ACTN4: variants seen among roughly 807,000 people sequenced by gnomAD.
ACTN4 encodes actinin alpha 4, also known as alpha-actinin-4.
In ACTN4, 18 loss-of-function variants were observed where a neutral mutation model predicts 114.2. The ratio of observed to expected loss-of-function variants is 0.16; its 90% CI spans 0.11 to 0.23. The LOEUF is 0.23. Ranked by LOEUF, ACTN4 falls within the 10% of genes least tolerant of loss-of-function variation. ACTN4 has a pLI of 1.00. For synonymous variants in ACTN4, 515 were observed against 506.3 expected (o/e 1.02, Z -0.23); for missense variants, 722 against 1,262.9 (o/e 0.57, Z 6.49).
At chr19:38,669,944 C>T (rs1375279947) in intron 1 of ACTN4, among the ~76,000 whole-genome samples, 2 of 152,122 alleles carry the variant, frequency 1.3e-5, no homozygotes, top group East Asian at 3.8e-4. Context: ...GCTCAGTCTT[C>T]AATGTATGGA....
Position 38,700,940 on chromosome 19 carries a change from C to T in ACTN4, c.278-62C>T, listed in dbSNP as rs1009877770. The stretch of plus-strand genomic sequence containing the variant: ...GAGACTCTAAAGCCTCTCTCCCTCT[C>T]GCCCTCTCTCCCTTTCTCTCTCTCT... On this transcript the variant is annotated intron_variant, in intron 2 of 20. Transcript: ENST00000252699. 1.1e-5 allele frequency: 17 copies of T among 1,598,744 alleles called. No individual in the cohort carries two copies. The East Asian group carries it at 1.3e-4, about 13-fold the overall frequency.
In ACTN4 at chr19:38,730,805, T is replaced by C. The variant is rs1231170739; in HGVS notation, c.*1373T>C. ...CAGGCAAGGCCTAGGGAGGTGGTCT[T>C]GCTCAGCAACCCTGCCCTGAGCAGC... On this transcript the variant is annotated 3_prime_UTR_variant, in exon 21 of 21. Transcript: ENST00000252699. The C allele has an allele frequency of 6.5e-7, 1 of 1,549,782 alleles. No individual in the cohort carries two copies. The highest frequency in any genetic ancestry group is 8.7e-7 in the Non-Finnish European group (1 of 1,146,768).
chr19:38,717,308 A>T lies in ACTN4; in HGVS notation c.1135A>T (p.Met379Leu). ...RPAFMPSEGK[M>L]VSDINNGWQH... ...CGCCTTCATGCCCTCCGAGGGCAAG[A>T]TGGTCTCGGTGAGCACCAGGATTCA... is the stretch of plus-strand genomic sequence containing the variant. Residue 379 changes from methionine to leucine, a missense_variant, in exon 10 of 21, where the codon ATG becomes TTG. This residue lies in a region of ACTN4 where 523 missense variants were observed against 875.9 expected (regional missense o/e 0.60). Coordinates refer to ENST00000252699, the MANE Select transcript of ACTN4 (RefSeq NM_004924.6). This position sits in a 1 kb window ranked among gnomAD's most constrained non-coding sequence, Gnocchi z 4.0. 6.2e-7 allele frequency: 1 copy of T among 1,613,840 alleles called. No homozygotes were observed. Among genetic ancestry groups the T allele is most frequent in the Non-Finnish European group, 8.5e-7 (1 of 1,179,884 alleles).
chr19:38,660,763 G>A (rs1190742362), intron 1 of ACTN4, among the ~76,000 whole-genome samples: 1 of 152,158 alleles, frequency 6.6e-6, no homozygotes, highest in African/African-American at 2.4e-5. Flanking sequence ...TGGATCCATG[G>A]GCCTTTAAGC....
rs1041714019 is a variant in ACTN4 at position 38,727,378 on chromosome 19, C to T, written c.2337+275C>T. On this transcript the variant is annotated intron_variant, in intron 18 of 20. Transcript: ENST00000252699. The surrounding 1 kb of genome is among the most constrained non-coding windows in gnomAD (Gnocchi z 5.4). ...ACCACCCCCAGGGCAGATGAAGTCT[C>T]AGCACACCCAGGCTTTGCGACCCGG... Among the ~76,000 whole-genome samples the T allele has an allele frequency of 2.0e-5, 3 of 152,170 alleles. No homozygotes were observed. The highest frequency in any genetic ancestry group is 7.2e-5 in the African/African-American group (3 of 41,444).
intron 3 of ACTN4, among the ~76,000 whole-genome samples, chr19:38,704,530 G>A (rs1471806227): frequency 6.6e-6 from 1 of 152,276 alleles, no homozygotes; most frequent in Admixed American, 6.5e-5. Flanking sequence ...GGGGCCCGGG[G>A]TGCCCCCCTG....
intron 3 of ACTN4, among the ~76,000 whole-genome samples, chr19:38,703,892 G>T (rs1482934020): frequency 2.6e-5 from 4 of 152,116 alleles, no homozygotes; most frequent in Non-Finnish European, 4.4e-5. Flanking sequence ...CCAGTTGAGG[G>T]TCGCAGGCTA....
intron 3 of ACTN4, among the ~76,000 whole-genome samples, chr19:38,702,813 C>T (rs1968326431): frequency 1.3e-5 from 2 of 152,160 alleles, no homozygotes; most frequent in South Asian, 2.1e-4. Context: ...GGTGTGTCCC[C>T]GGGGGAAGGT....
intron 1 of ACTN4, 99 bp from the exon 2 acceptor site, chr19:38,700,501 C>T (rs1285354509): frequency 8.4e-6 from 8 of 957,720 alleles, no homozygotes; most frequent in East Asian, 2.4e-5. Context: ...GTGGCAGCTG[C>T]GGTTCTCCTG....
chr19:38,654,343 C>T (rs1474227979), intron 1 of ACTN4, among the ~76,000 whole-genome samples: 3 of 152,098 alleles, frequency 2.0e-5, no homozygotes, highest in South Asian at 2.1e-4. Flanking sequence ...AGGTGGATCA[C>T]GTGAGGTCAG....
rs936969185 is a variant in ACTN4, at chr19:38,729,856, T to C, written c.*424T>C. ...CCTTGTCCAGGAACTGCCTGGGCCA[T>C]GCGAGGGGCCAGCAGAGGGCGCCAC... On this transcript the variant is annotated 3_prime_UTR_variant, in exon 21 of 21. Coordinates refer to ENST00000252699, the MANE Select transcript of ACTN4 (RefSeq NM_004924.6). 3 of 367,186 alleles carry C rather than the reference T, an allele frequency of 8.2e-6. No homozygotes were observed. Among genetic ancestry groups the C allele is most frequent in the Non-Finnish European group, 1.6e-5 (3 of 186,548 alleles). 22.7% of individuals were successfully genotyped at this position (367,186 alleles called of 1,614,324 possible). A position where few individuals can be genotyped will look rare whatever the true frequency, so the allele number is the denominator to read the frequency against.
rs1307514310 is a variant in ACTN4, at chr19:38,727,546, G to A, written c.2338-400G>A. 6.6e-6 allele frequency among the ~76,000 whole-genome samples: 1 copy of A among 151,708 alleles called. No individual in the cohort carries two copies. The highest frequency in any genetic ancestry group is 1.5e-5 in the Non-Finnish European group (1 of 67,854). On this transcript the variant is annotated intron_variant, in intron 18 of 20. Transcript: ENST00000252699. The surrounding 1 kb of genome is among the most constrained non-coding windows in gnomAD (Gnocchi z 5.4). The stretch of plus-strand genomic sequence containing the variant: ...GCCGGGCTGACGGACTGAGAAGTGT[G>A]CAGCCTCAGCTCTGCACCTGGCGCC...
At chr19:38,728,936 G>T in intron 19 of ACTN4, 60 bp from the exon 20 acceptor site, 1 of 1,605,554 alleles carries the variant, frequency 6.2e-7, no homozygotes. Flanking sequence ...ACCAGTGTGG[G>T]CCTGGCTGCC....
intron 1 of ACTN4, among the ~76,000 whole-genome samples, chr19:38,681,516 G>A (rs968426162): frequency 1.1e-4 from 16 of 152,178 alleles, no homozygotes; most frequent in African/African-American, 3.4e-4. Context: ...AACATCTGTG[G>A]TACTTTTGTC....
chr19:38,680,212 GTTTTTT>G (rs75920199), intron 1 of ACTN4, among the ~76,000 whole-genome samples: 1 of 124,338 alleles, frequency 8.0e-6, no homozygotes, highest in Non-Finnish European at 1.6e-5. Flanking sequence ...AGCTCAGGAA[GTTTTTT>G]TTTTTTTTTT....
In ACTN4 at chr19:38,730,659, C is replaced by CTGT; in HGVS notation, c.*1228_*1230dup. On this transcript the variant is annotated 3_prime_UTR_variant, in exon 21 of 21. Transcript: ENST00000252699. ...GCTCGTGTCATCTGCTCGAGAAGGG[C>CTGT]TGTCGCTGTTCTTGTTTCTGAGTGA... 1 of 653,860 alleles carries CTGT rather than the reference C, an allele frequency of 1.5e-6. No homozygotes were observed. The highest frequency in any genetic ancestry group is 2.7e-6 in the Non-Finnish European group (1 of 372,976). The allele number at this position is 653,860 out of a possible 1,614,324, so 40.5% of individuals were successfully genotyped here.
chr19:38,707,078 G>T (rs995428272), intron 5 of ACTN4, among the ~76,000 whole-genome samples: 3 of 152,180 alleles, frequency 2.0e-5, no homozygotes, highest in Non-Finnish European at 4.4e-5. Context: ...CATGGGGTTT[G>T]CAGCGGCCTC....
chr19:38,718,186 C>T (rs1968911746), intron 11 of ACTN4, 112 bp downstream of exon 11: 3 of 1,517,984 alleles, frequency 2.0e-6, no homozygotes, highest in Non-Finnish European at 2.7e-6. Flanking sequence ...GGGTCTGTTT[C>T]TCAGGTGCCC....
chr19:38,698,103 A>AC, intron 1 of ACTN4, among the ~76,000 whole-genome samples: 1 of 152,066 alleles, frequency 6.6e-6, no homozygotes, highest in South Asian at 2.1e-4. Flanking sequence ...GGGACAGAGC[A>AC]GGCACACTGT....
Sources: allele counts gnomAD v4.1 joint callset (sites outside exome capture counted in the v4.1 genomes callset), GRCh38; gene constraint gnomAD v4.1.1; regional missense constraint gnomAD v4.1.1; non-coding constraint Gnocchi (gnomAD v3.1); transcripts MANE v1.5; gene names NCBI Gene and HGNC (gene_info 2026-07-23, HGNC 2026-07-21).